Variants in MCF2 observed in about 807,000 individuals in gnomAD.
The protein encoded by MCF2 is MCF.2 cell line derived transforming sequence.
In MCF2, 44 loss-of-function variants were observed where a neutral mutation model predicts 82.5. That is an observed-to-expected ratio of 0.53 (90% CI 0.42 to 0.69). MCF2 has a LOEUF of 0.69. Ranked by LOEUF, MCF2 falls within the 30% of genes least tolerant of loss-of-function variation. The pLI is 0.00. For missense variants in MCF2, 623 were observed against 663.1 expected (o/e 0.94, Z 0.66); for synonymous variants, 217 against 224.9 (o/e 0.96, Z 0.32).
intron 17 of MCF2, 40 bp from the exon 22 acceptor site, chrX:139,597,625 A>C: frequency 9.4e-7 from 1 of 1,061,798 alleles, no homozygotes; most frequent in Non-Finnish European, 1.3e-6. Context: ...GGCAGATATT[A>C]ATATCTGGTT....
Position 139,631,516 on chromosome X carries a change from A to G in MCF2, c.172-5T>C, listed in dbSNP as rs17002185. The G allele has an allele frequency of 4.4e-3, 4,858 of 1,092,760 alleles. 104 individuals carry two copies. In the African/African-American group the frequency reaches 0.071, roughly 16 times the overall value. 90.1% of individuals were successfully genotyped at this position (1,092,760 alleles called of 1,213,427 possible). A position where few individuals can be genotyped will look rare whatever the true frequency, so the allele number is the denominator to read the frequency against. On this transcript the variant is annotated splice_region_variant and splice_polypyrimidine_tract_variant and intron_variant, in intron 2 of 24. Transcript: ENST00000370576. ...AACTGAGCTCAGCATAACAACCTATATAAATAAGCAAAAAAGATACTGTTA... is the reference window on the plus strand; with the variant it reads ...AACTGAGCTCAGCATAACAACCTATGTAAATAAGCAAAAAAGATACTGTTA...
chrX:139,663,566 AG>A (rs1934415695), intron 1 of MCF2, among the ~76,000 whole-genome samples: 1 of 104,264 alleles, frequency 9.6e-6, no homozygotes, highest in Admixed American at 1.0e-4. Context: ...AATAGCCAAT[AG>A]TTTGCTTTGT....
At chrX:139,626,709 A>T (rs769392560) in exon 5 of MCF2, 17 of 1,208,970 alleles carry the variant, frequency 1.4e-5, no homozygotes, top group Non-Finnish European at 1.8e-5. Context: ...GCACTTCCAG[A>T]TTTGTTAGCA....
intron 1 of MCF2, among the ~76,000 whole-genome samples, chrX:139,655,562 G>T (rs765283080): frequency 9.0e-6 from 1 of 111,188 alleles, no homozygotes; most frequent in Non-Finnish European, 1.9e-5. Flanking sequence ...GGGTACAAGC[G>T]CACAACGTGC....
At chrX:139,622,520 C>G (rs1159403862) in intron 6 of MCF2, among the ~76,000 whole-genome samples, 1 of 111,579 alleles carries the variant, frequency 9.0e-6, no homozygotes, top group Non-Finnish European at 1.9e-5. Context: ...GAAAATGTGG[C>G]ACATATACAC....
chrX:139,651,768 T>C (rs1430762174), exon 2 of MCF2: 1 of 1,155,657 alleles, frequency 8.7e-7, no homozygotes, highest in African/African-American at 1.8e-5. Context: ...ATGTCCTTTA[T>C]ACGGAGGAGC....
intron 6 of MCF2, among the ~76,000 whole-genome samples, chrX:139,625,096 C>A (rs182685641): frequency 1.4e-4 from 16 of 110,744 alleles, no homozygotes; most frequent in African/African-American, 5.2e-4. Flanking sequence ...TGTTTCTAGA[C>A]ATACAGAACT....
intron 20 of MCF2, 131 bp downstream of exon 24, chrX:139,589,704 T>C: frequency 4.1e-6 from 2 of 481,959 alleles, no homozygotes; most frequent in South Asian, 3.0e-5. Context: ...AATATTCAAA[T>C]AATATTTAAC....
intron 6 of MCF2, among the ~76,000 whole-genome samples, chrX:139,622,356 T>C (rs889483635): frequency 9.0e-5 from 10 of 111,677 alleles, no homozygotes; most frequent in Admixed American, 1.9e-4. Context: ...GAAATACCAT[T>C]TGACCCAGCC....
At chrX:139,644,507 C>T (rs932580622), upstream of MCF2, among the ~76,000 whole-genome samples, 1 of 112,200 alleles carries the variant, frequency 8.9e-6, no homozygotes, top group Non-Finnish European at 1.9e-5. Flanking sequence ...CTCTTCTCTC[C>T]ACTGCTAATG....
At chrX:139,692,119 G>C (rs1190158101) in intron 1 of MCF2, 6 of 1,158,814 alleles carry the variant, frequency 5.2e-6, no homozygotes, top group Middle Eastern at 5.5e-4. Context: ...GCGGCAGCTT[G>C]GGGCATGTGC....
chrX:139,682,807 G>A (rs1359044248), intron 1 of MCF2, among the ~76,000 whole-genome samples: 1 of 112,576 alleles, frequency 8.9e-6, no homozygotes, highest in East Asian at 2.8e-4. Context: ...TAGTGATGAT[G>A]TTGTTGTTTT....
chrX:139,623,058 C>T (rs1342767006), intron 6 of MCF2, among the ~76,000 whole-genome samples: 1 of 110,559 alleles, frequency 9.0e-6, no homozygotes, highest in Non-Finnish European at 1.9e-5. Flanking sequence ...GTCAGAATGG[C>T]TATTATTAAA....
intron 1 of MCF2, among the ~76,000 whole-genome samples, chrX:139,671,554 C>T (rs1934694260): frequency 9.0e-6 from 1 of 111,403 alleles, no homozygotes; most frequent in Non-Finnish European, 1.9e-5. Context: ...TTCCCAGCAC[C>T]ATTTATTAAA....
chrX:139,692,368 C>T (rs1248662936), intron 1 of MCF2, among the ~76,000 whole-genome samples: 1 of 110,014 alleles, frequency 9.1e-6, no homozygotes, highest in Admixed American at 9.4e-5. Context: ...CGCAGAGGCC[C>T]GAGAGCTCCG....
At chrX:139,686,380 G>A (rs1271776294) in intron 1 of MCF2, among the ~76,000 whole-genome samples, 1 of 111,008 alleles carries the variant, frequency 9.0e-6, no homozygotes, top group Non-Finnish European at 1.9e-5. Flanking sequence ...AAATTAGCTG[G>A]GTGTGGTGGT....
intron 1 of MCF2, among the ~76,000 whole-genome samples, chrX:139,635,761 A>G (rs1479042886): frequency 9.0e-6 from 1 of 111,599 alleles, no homozygotes; most frequent in Non-Finnish European, 1.9e-5. Flanking sequence ...GGTATATGCA[A>G]AGGTTACAGA....
intron 2 of MCF2, among the ~76,000 whole-genome samples, chrX:139,651,369 G>T (rs1359062193): frequency 3.6e-5 from 4 of 111,017 alleles, no homozygotes; most frequent in Non-Finnish European, 5.7e-5. Flanking sequence ...AATCAAAGAA[G>T]CTACCTCAGC....
intron 19 of MCF2, among the ~76,000 whole-genome samples, chrX:139,590,434 A>T (rs1000925215): frequency 1.8e-5 from 2 of 109,887 alleles, no homozygotes; most frequent in African/African-American, 6.6e-5. Context: ...GTACACAAGG[A>T]TCTCTCTATT....
Sources: allele counts gnomAD v4.1 joint callset (sites outside exome capture counted in the v4.1 genomes callset), GRCh38; gene constraint gnomAD v4.1.1; transcripts MANE v1.5; gene names NCBI Gene and HGNC (gene_info 2026-07-23, HGNC 2026-07-21).